MPHOSPH10: variants seen among roughly 807,000 people sequenced by gnomAD.
MPHOSPH10 encodes M-phase phosphoprotein 10.
In MPHOSPH10, 33 loss-of-function variants were observed where a neutral mutation model predicts 77.3. The observed-to-expected ratio is 0.43, with a 90% CI of 0.32 to 0.57. The LOEUF is 0.57. Among genes scored for constraint, MPHOSPH10 ranks in the 20% least tolerant of loss-of-function variants. The pLI, the probability that MPHOSPH10 is intolerant of heterozygous loss-of-function variation, is 0.07. For missense variants in MPHOSPH10, 708 were observed against 780.1 expected (o/e 0.91, Z 1.10); for synonymous variants, 245 against 268.0 (o/e 0.91, Z 0.84).
intron 8 of MPHOSPH10, among the ~76,000 whole-genome samples, 171 bp downstream of exon 8, chr2:71,144,709 G>C (rs1673675451): frequency 6.6e-6 from 1 of 152,166 alleles, no homozygotes; most frequent in Non-Finnish European, 1.5e-5. Context: ...TGACAGTTCT[G>C]GCTCTACCCA....
intron 3 of MPHOSPH10, 45 bp downstream of exon 3, chr2:71,134,150 C>T: frequency 6.4e-7 from 1 of 1,554,642 alleles, no homozygotes; most frequent in Non-Finnish European, 8.7e-7. Context: ...TGGAATTGCC[C>T]AATCATGTGT....
intron 4 of MPHOSPH10, among the ~76,000 whole-genome samples, chr2:71,137,603 G>A (rs1673521816): frequency 6.9e-6 from 1 of 145,954 alleles, no homozygotes; most frequent in African/African-American, 2.6e-5. Flanking sequence ...AGGTTGCAGT[G>A]AGCTGAGATC....
intron 3 of MPHOSPH10, among the ~76,000 whole-genome samples, 192 bp downstream of exon 3, chr2:71,134,297 G>A (rs1673445056): frequency 6.6e-6 from 1 of 152,176 alleles, no homozygotes; most frequent in Non-Finnish European, 1.5e-5. Flanking sequence ...AATATCTCTG[G>A]TAGTAGCAAT....
At chr2:71,130,778 G>C (rs1251307658) in intron 1 of MPHOSPH10, 24 bp downstream of exon 1, 1 of 1,589,176 alleles carries the variant, frequency 6.3e-7, no homozygotes, top group Non-Finnish European at 8.6e-7. Context: ...TCCCGGGCTC[G>C]GGGTGCGACC....
Position 71,130,637 on chromosome 2 carries a change from C to G in MPHOSPH10, c.-29C>G. 1.9e-6 allele frequency: 3 copies of G among 1,589,986 alleles called. No individual in the cohort carries two copies. Among genetic ancestry groups the G allele is most frequent in the South Asian group, 2.3e-5 (2 of 88,728 alleles). On this transcript the variant is annotated 5_prime_UTR_variant, in exon 1 of 11. Transcript: ENST00000244230. ...CCGGGCGGCTCCCTTCCCTTGCATG[C>G]TGCATTGTGTCGGGAGTTGCTGACA...
intron 1 of MPHOSPH10, among the ~76,000 whole-genome samples, chr2:71,132,246 G>A (rs543259374): frequency 2.0e-5 from 3 of 151,436 alleles, no homozygotes; most frequent in Non-Finnish European, 4.4e-5. Flanking sequence ...TCCTTCCTTC[G>A]TGTAAATCAT....
intron 4 of MPHOSPH10, among the ~76,000 whole-genome samples, chr2:71,138,010 T>C (rs932803687): frequency 6.6e-6 from 1 of 151,022 alleles, no homozygotes; most frequent in Non-Finnish European, 1.5e-5. Context: ...GGAGAATTGC[T>C]CAGGAGACGG....
At chr2:71,136,541 G>A (rs1342460079) in intron 4 of MPHOSPH10, among the ~76,000 whole-genome samples, 3 of 150,756 alleles carry the variant, frequency 2.0e-5, no homozygotes, top group Non-Finnish European at 4.4e-5. Context: ...AAAGAGAACA[G>A]GCAGAGAATG....
rs558375251 is a variant in MPHOSPH10, at chr2:71,140,335, A to T, written c.1308+473A>T. Among the ~76,000 whole-genome samples, 41 of 152,314 alleles carry T rather than the reference A, an allele frequency of 2.7e-4. 1 individual carries two copies. The highest frequency in any genetic ancestry group is 9.9e-4 in the African/African-American group (41 of 41,584). On this transcript the variant is annotated intron_variant, in intron 6 of 10. Coordinates refer to ENST00000244230, the MANE Select transcript of MPHOSPH10 (RefSeq NM_005791.3). ...CTTCTTACCAGTGGGGATTCCGCAG[A>T]GTCCCAAGGTGGTGCAGGGCATCAC...
intron 4 of MPHOSPH10, among the ~76,000 whole-genome samples, chr2:71,135,159 T>C (rs1212031173): frequency 6.6e-6 from 1 of 150,836 alleles, no homozygotes; most frequent in African/African-American, 2.4e-5. Flanking sequence ...AGCAAGACCT[T>C]GTCTTAAAAC....
intron 4 of MPHOSPH10, among the ~76,000 whole-genome samples, chr2:71,135,156 C>T (rs546222397): frequency 6.6e-6 from 1 of 151,286 alleles, no homozygotes; most frequent in Admixed American, 6.6e-5. Flanking sequence ...GCAAGCAAGA[C>T]CTTGTCTTAA....
chr2:71,144,345 A>G, intron 7 of MPHOSPH10, 83 bp from the exon 8 acceptor site: 1 of 1,015,504 alleles, frequency 9.8e-7, no homozygotes, highest in East Asian at 2.5e-5. Context: ...AGAAGTTAGA[A>G]ATACTCTCAT....
At position 71,134,609 on chromosome 2, in the gene MPHOSPH10, G is replaced by T. The variant is rs1673450981; in HGVS notation, c.927-17G>T. 1.3e-6 allele frequency: 2 copies of T among 1,566,928 alleles called. No homozygotes were observed. The highest frequency in any genetic ancestry group is 2.2e-5 in the Admixed American group (1 of 46,224). ...GAAAGTAGTATATTTCTTTTTATAA[G>T]AGTTTTGGTATTGTAGGGATGAAGA... On this transcript the variant is annotated splice_polypyrimidine_tract_variant and intron_variant, in intron 3 of 10. Coordinates refer to ENST00000244230, the MANE Select transcript of MPHOSPH10 (RefSeq NM_005791.3).
chr2:71,140,061 G>T (rs910147276), intron 6 of MPHOSPH10, among the ~76,000 whole-genome samples, 199 bp downstream of exon 6: 2 of 152,166 alleles, frequency 1.3e-5, no homozygotes, highest in African/African-American at 4.8e-5. Flanking sequence ...TATTGTGCCT[G>T]AGAGGAGCAA....
intron 6 of MPHOSPH10, 25 bp from the exon 7 acceptor site, chr2:71,141,207 G>A (rs768884436): frequency 2.2e-6 from 3 of 1,360,044 alleles, no homozygotes; most frequent in Admixed American, 2.8e-5. Flanking sequence ...GTTTTGTTAT[G>A]TTCTACCTGC....
chr2:71,133,884 A>C (rs530028579), intron 2 of MPHOSPH10, 64 bp from the exon 3 acceptor site: 30 of 1,092,912 alleles, frequency 2.7e-5, no homozygotes, highest in Non-Finnish European at 3.9e-5. Context: ...ATGCAAATCT[A>C]TATGCATGTG....
At chr2:71,143,840 T>C (rs1673657680) in intron 7 of MPHOSPH10, among the ~76,000 whole-genome samples, 1 of 152,274 alleles carries the variant, frequency 6.6e-6, no homozygotes. Context: ...ACAGTTTATC[T>C]GCTTATCCAC....
chr2:71,134,171 A>G (rs1673442025), intron 3 of MPHOSPH10, 66 bp downstream of exon 3: 4 of 1,452,396 alleles, frequency 2.8e-6, no homozygotes, highest in Non-Finnish European at 3.7e-6. Flanking sequence ...GTGTACTCGT[A>G]GTTATCAAAT....
chr2:71,138,046 C>G (rs1365426232), intron 4 of MPHOSPH10, among the ~76,000 whole-genome samples: 1 of 151,772 alleles, frequency 6.6e-6, no homozygotes, highest in Non-Finnish European at 1.5e-5. Flanking sequence ...GAGATCACAC[C>G]ACTGCACTCC....
Sources: gnomAD v4.1 joint callset for allele counts (sites outside exome capture counted in the v4.1 genomes callset) on GRCh38, gnomAD v4.1.1 for gene constraint, MANE v1.5 for transcripts, NCBI Gene and HGNC (gene_info 2026-07-23, HGNC 2026-07-21) for gene names.